MRPS10: variants seen among roughly 807,000 people sequenced by gnomAD.
The protein encoded by MRPS10 is small ribosomal subunit protein uS10m.
Under a neutral mutation model 27.5 loss-of-function variants are expected in MRPS10, and 23 were observed. The observed-to-expected ratio is 0.84, with a 90% CI of 0.60 to 1.18. MRPS10 has a LOEUF of 1.18. Ranked by LOEUF, MRPS10 falls within the 50% of genes most tolerant of loss-of-function variation. The pLI is 0.00. For synonymous variants in MRPS10, 88 were observed against 84.2 expected (o/e 1.04, Z -0.25); for missense variants, 237 against 240.1 (o/e 0.99, Z 0.09).
chr6:42,212,630 C>T (rs1426441971), intron 3 of MRPS10, among the ~76,000 whole-genome samples: 1 of 152,208 alleles, frequency 6.6e-6, no homozygotes, highest in Non-Finnish European at 1.5e-5. Flanking sequence ...TTTTGACTTT[C>T]TTCCAAAAGG....
chr6:42,208,530 G>T (rs1296479341), intron 6 of MRPS10, among the ~76,000 whole-genome samples, 158 bp from the exon 7 acceptor site: 3 of 152,060 alleles, frequency 2.0e-5, no homozygotes, highest in Admixed American at 6.6e-5. Flanking sequence ...AAACTTGATG[G>T]TCTATAAAAC....
At position 42,211,757 on chromosome 6, in the gene MRPS10, C is replaced by A. The variant is rs185958545; in HGVS notation, c.323+24G>T. On this transcript the variant is annotated intron_variant, in intron 4 of 6. Transcript: ENST00000053468. ...GATCATATTACAGCAGCGAACAGGT[C>A]GGGTCAGGAAAGGCCATACTCACAC... is the stretch of plus-strand genomic sequence containing the variant. The A allele has an allele frequency of 8.5e-5, 137 of 1,603,290 alleles. No individual in the cohort carries two copies. In the African/African-American group the frequency reaches 1.4e-3, roughly 16 times the overall value.
At position 42,207,055 on chromosome 6, in the gene MRPS10, A is replaced by G. The variant is rs1768611989; in HGVS notation, c.*1234T>C. 1 of 152,182 alleles carries G rather than the reference A, an allele frequency of 6.6e-6. No individual in the cohort carries two copies. The highest frequency in any genetic ancestry group is 2.4e-5 in the African/African-American group (1 of 41,448). The allele number at this position is 152,182 out of a possible 1,614,324, so 9.4% of individuals were successfully genotyped here. A position where few individuals can be genotyped will look rare whatever the true frequency, so the allele number is the denominator to read the frequency against. ...GCACTTCTCTGGGGTTGCTATACCA[A>G]CTGTTTCAGCCCATTGTAGTCTTGC... On this transcript the variant is annotated 3_prime_UTR_variant, in exon 7 of 7. Coordinates refer to ENST00000053468, the MANE Select transcript of MRPS10 (RefSeq NM_018141.4).
intron 1 of MRPS10, among the ~76,000 whole-genome samples, chr6:42,217,081 A>G (rs902269127): frequency 2.0e-5 from 3 of 152,244 alleles, no homozygotes; most frequent in Admixed American, 6.5e-5. Flanking sequence ...GCAAAAATGT[A>G]AAACATTGCT....
intron 5 of MRPS10, among the ~76,000 whole-genome samples, chr6:42,210,244 A>C (rs188417345): frequency 2.8e-3 from 429 of 152,156 alleles, no homozygotes; most frequent in African/African-American, 9.8e-3. Flanking sequence ...AATTATTCCA[A>C]TGCTATCTTT....
intron 1 of MRPS10, 130 bp from the exon 2 acceptor site, chr6:42,214,474 A>G: frequency 3.8e-6 from 2 of 529,100 alleles, no homozygotes; most frequent in South Asian, 6.0e-5. Context: ...AAAATGGCCA[A>G]ATTAGATTGA....
At position 42,214,127 on chromosome 6, in the gene MRPS10, T is replaced by C; in HGVS notation, c.179A>G (p.Lys60Arg). 6.2e-7 allele frequency: 1 copy of C among 1,611,008 alleles called. No homozygotes were observed. Among genetic ancestry groups the C allele is most frequent in the Non-Finnish European group, 8.5e-7 (1 of 1,178,320 alleles). ...LHVDVPKDLTKPVVTISDEPD... is the reference protein window; with the variant it reads ...LHVDVPKDLTRPVVTISDEPD... ...GAAACAGGGAGTACATACCACAGGT[T>C]TGGTCAAATCCTTTGGAACATCAAC... is the stretch of plus-strand genomic sequence containing the variant. The change falls in exon 3 of 7, where the codon AAA (lysine) becomes AGA (arginine). Residue 60 changes from lysine to arginine, a missense_variant. Coordinates refer to ENST00000053468, the MANE Select transcript of MRPS10 (RefSeq NM_018141.4).
chr6:42,216,371 AGAGAGAGAGAGAGAGTGT>A (rs1030682131), intron 1 of MRPS10, among the ~76,000 whole-genome samples: 1 of 44,188 alleles, frequency 2.3e-5, no homozygotes, highest in African/African-American at 5.3e-5. Flanking sequence ...AGAGAGAGAG[AGAGAGAGAGAGAGAGTGT>A]GTGTGTGTGT....
chr6:42,207,702 A>G lies in MRPS10; in HGVS notation c.*587T>C, dbSNP rs1768645939. The G allele has an allele frequency of 6.6e-6, 1 of 152,300 alleles. No individual in the cohort carries two copies. The allele number at this position is 152,300 out of a possible 1,614,324, so 9.4% of individuals were successfully genotyped here. Reference sequence around the variant, plus strand: ...CAGTAACCCTGGTAGGCAACTCTATAAAGTTCTGGGCTCCAAGAAGAGGTC... The same window carrying G: ...CAGTAACCCTGGTAGGCAACTCTATGAAGTTCTGGGCTCCAAGAAGAGGTC... On this transcript the variant is annotated 3_prime_UTR_variant, in exon 7 of 7. Transcript: ENST00000053468.
At chr6:42,208,710 A>G in intron 6 of MRPS10, 148 bp downstream of exon 6, 1 of 620,076 alleles carries the variant, frequency 1.6e-6, no homozygotes, top group Non-Finnish European at 2.8e-6. Flanking sequence ...GTAGCCCCCA[A>G]CCGCTGTGGC....
chr6:42,214,471 C>T (rs1186559179), intron 1 of MRPS10, 127 bp from the exon 2 acceptor site: 2 of 551,744 alleles, frequency 3.6e-6, no homozygotes, highest in Non-Finnish European at 6.0e-6. Flanking sequence ...ACTAAAATGG[C>T]CAAATTAGAT....
chr6:42,207,378 T>C lies in MRPS10; in HGVS notation c.*911A>G, dbSNP rs374575514. The C allele has an allele frequency of 6.6e-6, 1 of 152,108 alleles. No individual in the cohort carries two copies. Among genetic ancestry groups the C allele is most frequent in the East Asian group, 1.9e-4 (1 of 5,178 alleles). 9.4% of individuals were successfully genotyped at this position (152,108 alleles called of 1,614,324 possible). On this transcript the variant is annotated 3_prime_UTR_variant, in exon 7 of 7. Transcript: ENST00000053468. ...CTGGGATTACAGGCACGTGCCACCA[T>C]GTCCAGCTAATTTTTGTATTTTTAT...
At chr6:42,211,242 A>G (rs1275723830) in intron 4 of MRPS10, among the ~76,000 whole-genome samples, 1 of 152,228 alleles carries the variant, frequency 6.6e-6, no homozygotes, top group Non-Finnish European at 1.5e-5. Context: ...TCACATCCAA[A>G]GGGTCTAAAA....
intron 1 of MRPS10, among the ~76,000 whole-genome samples, chr6:42,217,471 G>T (rs111512335): frequency 6.6e-6 from 1 of 152,108 alleles, no homozygotes; most frequent in African/African-American, 2.4e-5. Context: ...TCTAATTTTC[G>T]CGAGGCAAAT....
At chr6:42,212,494 T>C (rs1300476089) in intron 3 of MRPS10, among the ~76,000 whole-genome samples, 3 of 152,224 alleles carry the variant, frequency 2.0e-5, no homozygotes, top group South Asian at 4.1e-4. Flanking sequence ...TATTCGCGTA[T>C]GTTTTGTCTG....
intron 1 of MRPS10, among the ~76,000 whole-genome samples, chr6:42,216,581 C>T (rs576487123): frequency 6.6e-6 from 1 of 151,532 alleles, no homozygotes; most frequent in South Asian, 2.1e-4. Context: ...GAGGCCGAGG[C>T]TGCCGGATCA....
At chr6:42,213,083 CT>C (rs1768828215) in intron 3 of MRPS10, among the ~76,000 whole-genome samples, 1 of 152,192 alleles carries the variant, frequency 6.6e-6, no homozygotes. Context: ...ATTCTGCCAC[CT>C]TTTCTTATAG....
intron 1 of MRPS10, among the ~76,000 whole-genome samples, chr6:42,216,462 TA>T: frequency 6.9e-6 from 1 of 145,094 alleles, no homozygotes; most frequent in South Asian, 2.2e-4. Flanking sequence ...AAATTTGTCT[TA>T]ATAAAGCAGT....
rs768559699 is a variant in MRPS10, at chr6:42,217,842, G to C, written c.8C>G (p.Ala3Gly). The C allele has an allele frequency of 9.3e-6, 15 of 1,613,936 alleles. No individual in the cohort carries two copies. The highest frequency in any genetic ancestry group is 5.3e-5 in the African/African-American group (4 of 74,918). MA[A>G]RTAFGAVCRR... The stretch of plus-strand genomic sequence containing the variant: ...GCACACAGCACCGAACGCTGTCCGC[G>C]CCGCCATCTTGCCGGTCCCGACCTC... The change falls in exon 1 of 7, where the codon GCG (alanine) becomes GGG (glycine). Residue 3 changes from alanine to glycine, a missense_variant. Physicochemically the swap from Ala to Gly is moderately conservative, Grantham distance 60. Coordinates refer to ENST00000053468, the MANE Select transcript of MRPS10 (RefSeq NM_018141.4).
Sources: allele counts gnomAD v4.1 joint callset (sites outside exome capture counted in the v4.1 genomes callset), GRCh38; gene constraint gnomAD v4.1.1; transcripts MANE v1.5; gene names NCBI Gene and HGNC (gene_info 2026-07-23, HGNC 2026-07-21).